Variants in ATRNL1 observed in about 807,000 individuals in gnomAD.
ATRNL1 encodes the protein attractin like 1, also known as attractin-like protein 1.
In ATRNL1, 95 loss-of-function variants were observed where a neutral mutation model predicts 182.7. The ratio of observed to expected loss-of-function variants is 0.52; its 90% CI spans 0.44 to 0.62. The LOEUF (loss-of-function observed/expected upper bound fraction) is 0.62. Among genes scored for constraint, ATRNL1 ranks in the 20% least tolerant of loss-of-function variants. The pLI, the probability that ATRNL1 is intolerant of heterozygous loss-of-function variation, is 0.00. For missense variants in ATRNL1, 1,471 were observed against 1,679.5 expected, an observed-to-expected ratio of 0.88 and a Z score of 2.17; for synonymous variants, 576 against 568.3, an observed-to-expected ratio of 1.01 and a Z score of -0.19.
At chr10:115,731,709 G>C (rs1947802871) in intron 27 of ATRNL1, among the ~76,000 whole-genome samples, 1 of 150,832 alleles carries the variant, frequency 6.6e-6, no homozygotes, top group African/African-American at 2.4e-5. Context: ...TATATATACA[G>C]TTATGTAACC....
intron 28 of ATRNL1, among the ~76,000 whole-genome samples, chr10:115,894,613 G>A (rs1952161443): frequency 6.6e-6 from 1 of 152,166 alleles, no homozygotes; most frequent in Non-Finnish European, 1.5e-5. Context: ...TAAAGATCTA[G>A]AATATGTTCT....
chr10:115,320,045 C>G (rs563141522), intron 18 of ATRNL1, among the ~76,000 whole-genome samples: 5 of 152,020 alleles, frequency 3.3e-5, no homozygotes, highest in African/African-American at 1.2e-4. Context: ...TTTTCCATTC[C>G]ATATTTAGTG....
intron 27 of ATRNL1, among the ~76,000 whole-genome samples, chr10:115,733,010 A>C (rs781831786): frequency 6.6e-6 from 1 of 152,200 alleles, no homozygotes; most frequent in Non-Finnish European, 1.5e-5. Context: ...ACTAAACTGC[A>C]ATAAACTCAG....
At chr10:115,331,956 G>A (rs1855247897) in intron 18 of ATRNL1, among the ~76,000 whole-genome samples, 1 of 152,110 alleles carries the variant, frequency 6.6e-6, no homozygotes, top group Non-Finnish European at 1.5e-5. Context: ...CCTCTGTGGT[G>A]GGGCATCCTC....
intron 20 of ATRNL1, among the ~76,000 whole-genome samples, chr10:115,404,450 A>G (rs1844724893): frequency 6.6e-6 from 1 of 152,178 alleles, no homozygotes; most frequent in African/African-American, 2.4e-5. Flanking sequence ...GAGGAAGATG[A>G]GGATCTGAAA....
At chr10:115,434,678 A>T (rs1846318888) in intron 21 of ATRNL1, among the ~76,000 whole-genome samples, 1 of 152,202 alleles carries the variant, frequency 6.6e-6, no homozygotes, top group Non-Finnish European at 1.5e-5. Flanking sequence ...ATTTTATGTA[A>T]TTCCATTATA....
chr10:115,585,530 T>C lies in ATRNL1; in HGVS notation c.3795+35994T>C, dbSNP rs1360257186. On this transcript the variant is annotated intron_variant, in intron 26 of 28. Transcript: ENST00000355044. ...GGCCTTCTTTGTCTCTTTTGATCTT[T>C]GTTGATTTAAAGTCTGTTTTAACAG... Among the ~76,000 whole-genome samples the C allele has an allele frequency of 6.2e-4, 73 of 117,566 alleles. 3 individuals are homozygous for C. The highest frequency in any genetic ancestry group is 3.6e-4 in the Non-Finnish European group (20 of 55,334). 77.1% of individuals were successfully genotyped at this position (117,566 alleles called of 152,430 possible). A position where few individuals can be genotyped will look rare whatever the true frequency, so the allele number is the denominator to read the frequency against.
At chr10:115,742,137 G>A (rs746940058) in intron 27 of ATRNL1, among the ~76,000 whole-genome samples, 3 of 152,148 alleles carry the variant, frequency 2.0e-5, no homozygotes, top group Non-Finnish European at 2.9e-5. Flanking sequence ...AGATGAGAAA[G>A]TGGATGCAAC....
At chr10:115,742,428 G>T (rs911692437) in intron 27 of ATRNL1, among the ~76,000 whole-genome samples, 1 of 152,234 alleles carries the variant, frequency 6.6e-6, no homozygotes. Flanking sequence ...TACCTTCGAT[G>T]ATCTTATAAT....
chr10:115,916,960 G>A (rs185903273), intron 28 of ATRNL1, among the ~76,000 whole-genome samples: 10 of 152,306 alleles, frequency 6.6e-5, no homozygotes, highest in African/African-American at 1.4e-4. Context: ...GCCTCTAGGC[G>A]TGGCGCAAAA....
intron 19 of ATRNL1, among the ~76,000 whole-genome samples, chr10:115,369,149 T>G (rs1260722002): frequency 3.9e-5 from 6 of 151,996 alleles, no homozygotes; most frequent in Admixed American, 3.9e-4. Context: ...ATTTGCTTAT[T>G]TTTAAGGCTG....
chr10:115,896,132 T>C lies in ATRNL1; in HGVS notation c.4018+48141T>C, dbSNP rs114902783. ...TCTTCTAACACGTTCAGCAGACTGA[T>C]TTTTTTAAAAACCCATAAAAACATA... On this transcript the variant is annotated intron_variant, in intron 28 of 28. Coordinates refer to ENST00000355044, the MANE Select transcript of ATRNL1 (RefSeq NM_207303.4). 6.0e-3 allele frequency among the ~76,000 whole-genome samples: 913 copies of C among 152,308 alleles called. 7 individuals carry two copies. The highest frequency in any genetic ancestry group is 0.021 in the African/African-American group (863 of 41,566).
intron 26 of ATRNL1, among the ~76,000 whole-genome samples, chr10:115,682,001 TG>T (rs772469307): frequency 3.0e-4 from 45 of 152,170 alleles, no homozygotes; most frequent in Non-Finnish European, 5.1e-4. Context: ...GTTAACTTGG[TG>T]TGCAGCCCTT....
At chr10:115,733,649 TC>T (rs1386681316) in intron 27 of ATRNL1, among the ~76,000 whole-genome samples, 1 of 152,156 alleles carries the variant, frequency 6.6e-6, no homozygotes, top group Non-Finnish European at 1.5e-5. Flanking sequence ...CAGCCAGTGG[TC>T]CCCCTGGTTC....
intron 8 of ATRNL1, among the ~76,000 whole-genome samples, chr10:115,213,158 T>C (rs1849097257): frequency 6.6e-6 from 1 of 152,122 alleles, no homozygotes; most frequent in Non-Finnish European, 1.5e-5. Context: ...GTTGTCGGTA[T>C]GACAGGGAGT....
chr10:115,682,213 G>A (rs1946068694), intron 26 of ATRNL1, among the ~76,000 whole-genome samples: 1 of 143,288 alleles, frequency 7.0e-6, no homozygotes, highest in Non-Finnish European at 1.6e-5. Context: ...TTAGGATCCT[G>A]TGCCTTTGTT....
chr10:115,487,205 T>A (rs571377833), intron 24 of ATRNL1, among the ~76,000 whole-genome samples: 42 of 152,352 alleles, frequency 2.8e-4, no homozygotes, highest in African/African-American at 9.4e-4. Context: ...TGCTTAGGAC[T>A]ATCTGGGATA....
chr10:115,179,925 C>A (rs1564801298), intron 8 of ATRNL1, among the ~76,000 whole-genome samples: 5 of 152,094 alleles, frequency 3.3e-5, no homozygotes, highest in African/African-American at 1.2e-4. Context: ...TTTTAATAAG[C>A]AGAACCCTTA....
chr10:115,815,265 T>C (rs1487255887), intron 27 of ATRNL1, among the ~76,000 whole-genome samples: 5 of 152,170 alleles, frequency 3.3e-5, no homozygotes, highest in African/African-American at 1.2e-4. Context: ...GAACTCTACA[T>C]TGTAGAAAAG....
Sources: allele counts gnomAD v4.1 joint callset (sites outside exome capture counted in the v4.1 genomes callset), GRCh38; gene constraint gnomAD v4.1.1; transcripts MANE v1.5; gene names NCBI Gene and HGNC (gene_info 2026-07-23, HGNC 2026-07-21).